The following PTPRK variants were observed in gnomAD, a reference collection of about 807,000 sequenced individuals.
PTPRK encodes the protein protein tyrosine phosphatase receptor type K.
PTPRK carries 75 observed loss-of-function variants against 178.0 expected under a neutral mutation model. The observed-to-expected ratio is 0.42, with a 90% CI of 0.35 to 0.51. PTPRK has a LOEUF of 0.51. PTPRK is among the 20% of genes least tolerant of loss of function. PTPRK has a pLI of 0.02. For synonymous variants in PTPRK, 637 were observed against 620.6 expected, an observed-to-expected ratio of 1.03 and a Z score of -0.39; for missense variants, 1,441 against 1,797.8, an observed-to-expected ratio of 0.80 and a Z score of 3.59.
At position 128,416,596 on chromosome 6, in the gene PTPRK, C is replaced by T. The variant is rs1463643863; in HGVS notation, c.101-18908G>A. On this transcript the variant is annotated intron_variant, in intron 1 of 29. Coordinates refer to ENST00000368226, the MANE Select transcript of PTPRK (RefSeq NM_002844.4). ...CCGGGAGTCAGAGCTTGCAGTGAGC[C>T]GAGATCACGCCACTGCAGTCCAGCT... Among the ~76,000 whole-genome samples the T allele has an allele frequency of 4.0e-5, 6 of 149,122 alleles. No individual in the cohort carries two copies. The South Asian group carries it at 6.4e-4, about 16-fold the overall frequency.
chr6:128,138,610 T>C (rs969676064), intron 7 of PTPRK, among the ~76,000 whole-genome samples: 2 of 152,152 alleles, frequency 1.3e-5, no homozygotes, highest in Admixed American at 6.6e-5. Context: ...ATTTTTCTAA[T>C]CTCTTCTTCA....
intron 11 of PTPRK, among the ~76,000 whole-genome samples, chr6:128,073,169 C>A (rs898338548): frequency 2.6e-5 from 4 of 151,908 alleles, no homozygotes; most frequent in Non-Finnish European, 4.4e-5. Flanking sequence ...ATTTTTAGAT[C>A]CAGTTCATTT....
intron 12 of PTPRK, among the ~76,000 whole-genome samples, chr6:128,066,823 G>A (rs1047889671): frequency 1.3e-5 from 2 of 152,074 alleles, no homozygotes; most frequent in Non-Finnish European, 2.9e-5. Context: ...CGGAACTGCC[G>A]GTCGTTTCTA....
At chr6:128,482,061 G>A (rs1161785041) in intron 1 of PTPRK, among the ~76,000 whole-genome samples, 1 of 152,112 alleles carries the variant, frequency 6.6e-6, no homozygotes, top group Non-Finnish European at 1.5e-5. Context: ...GCAATGACAC[G>A]AATTAGCAAT....
intron 29 of PTPRK, 51 bp from the exon 30 acceptor site, chr6:127,970,331 T>C (rs775350648): frequency 4.8e-6 from 7 of 1,453,250 alleles, no homozygotes; most frequent in Non-Finnish European, 5.8e-6. Context: ...AAGAGACTAA[T>C]GTTGAATAAC....
At chr6:128,452,062 C>T (rs1847861352) in intron 1 of PTPRK, among the ~76,000 whole-genome samples, 1 of 152,136 alleles carries the variant, frequency 6.6e-6, no homozygotes, top group Admixed American at 6.5e-5. Context: ...AAAAGATATG[C>T]TAGTCATTCT....
intron 20 of PTPRK, 103 bp from the exon 21 acceptor site, chr6:127,990,988 T>C (rs1394366510): frequency 5.5e-6 from 4 of 732,690 alleles, no homozygotes; most frequent in African/African-American, 3.6e-5. Flanking sequence ...TAAAACTCAG[T>C]TTAAAAATCT....
At chr6:128,211,326 A>G (rs1424271680) in intron 6 of PTPRK, among the ~76,000 whole-genome samples, 3 of 152,146 alleles carry the variant, frequency 2.0e-5, no homozygotes, top group African/African-American at 7.2e-5. Context: ...TGAACTAAAC[A>G]CAATCTATGC....
At chr6:127,981,393 T>G in intron 24 of PTPRK, 104 bp from the exon 25 acceptor site, 4 of 964,140 alleles carry the variant, frequency 4.1e-6, no homozygotes, top group Non-Finnish European at 6.1e-6. Context: ...GTGAAGGATT[T>G]GTGCGAGGCA....
chr6:127,990,826 C>G lies in PTPRK; in HGVS notation c.3039G>C (p.Thr1013=), dbSNP rs766857910. 1.2e-6 allele frequency: 2 copies of G among 1,612,198 alleles called. No individual in the cohort carries two copies. The highest frequency in any genetic ancestry group is 4.5e-5 in the East Asian group (2 of 44,798). The change falls in exon 21 of 30, where the codon ACG becomes ACC. Residue 1013 remains threonine, a synonymous_variant. Transcript: ENST00000368226. ...DTEVYGDFKV[T]CVEMEPLAEY... is the part of the protein sequence containing the mutation. The stretch of plus-strand genomic sequence containing the variant: ...CAGCAAGTGGTTCCATTTCTACACA[C>G]GTTACTTTGAAGTCACCATAAACTT...
intron 1 of PTPRK, among the ~76,000 whole-genome samples, chr6:128,469,539 T>C (rs9482883): frequency 0.016 from 2,479 of 152,304 alleles, 80 homozygotes; most frequent in African/African-American, 0.057. Context: ...TTGATATCTA[T>C]GCCTCCAAAC....
intron 3 of PTPRK, among the ~76,000 whole-genome samples, chr6:128,278,164 T>TTTA (rs1821069498): frequency 1.4e-5 from 2 of 146,972 alleles, no homozygotes; most frequent in South Asian, 4.3e-4. Flanking sequence ...TATTTATTTA[T>TTTA]TTATTTATTT....
intron 7 of PTPRK, among the ~76,000 whole-genome samples, chr6:128,170,468 C>G (rs1372246833): frequency 2.0e-5 from 3 of 151,950 alleles, no homozygotes; most frequent in East Asian, 3.9e-4. Context: ...TTAAAGAAAA[C>G]TATTCATTTG....
chr6:128,022,229 T>C (rs1293603602), intron 13 of PTPRK, among the ~76,000 whole-genome samples: 2 of 152,166 alleles, frequency 1.3e-5, no homozygotes, highest in Non-Finnish European at 2.9e-5. Flanking sequence ...AGTGGCACAG[T>C]TGGATCTCTC....
intron 7 of PTPRK, among the ~76,000 whole-genome samples, chr6:128,179,693 T>C (rs1801615918): frequency 6.6e-6 from 1 of 152,028 alleles, no homozygotes; most frequent in South Asian, 2.1e-4. Context: ...ACCTCTAGGC[T>C]GAGTGTTAGC....
chr6:128,300,295 C>A (rs1011618990), intron 3 of PTPRK, among the ~76,000 whole-genome samples: 4 of 151,972 alleles, frequency 2.6e-5, no homozygotes, highest in African/African-American at 4.8e-5. Flanking sequence ...TAGTTCAACC[C>A]CTGTGGAAGT....
chr6:128,270,426 G>A (rs73594668), intron 3 of PTPRK, among the ~76,000 whole-genome samples: 5,669 of 152,142 alleles, frequency 0.037, 347 homozygotes, highest in African/African-American at 0.13. Flanking sequence ...AAATTTAACT[G>A]AGTTCTACTG....
At chr6:128,036,336 T>C (rs964377981) in intron 13 of PTPRK, among the ~76,000 whole-genome samples, 18 of 152,182 alleles carry the variant, frequency 1.2e-4, no homozygotes, top group African/African-American at 3.4e-4. Flanking sequence ...GATAACCAAA[T>C]TGTAAGATGG....
chr6:128,177,579 G>T (rs1025269098), intron 7 of PTPRK, among the ~76,000 whole-genome samples: 9 of 151,698 alleles, frequency 5.9e-5, no homozygotes, highest in African/African-American at 1.7e-4. Context: ...ATTTTAAGGT[G>T]AAAACAACCC....
Sources: gnomAD v4.1 joint callset for allele counts (sites outside exome capture counted in the v4.1 genomes callset) on GRCh38, gnomAD v4.1.1 for gene constraint, MANE v1.5 for transcripts, NCBI Gene and HGNC (gene_info 2026-07-23, HGNC 2026-07-21) for gene names.